The following TMEM108 variants were observed in gnomAD, a reference collection of about 807,000 sequenced individuals.
The protein encoded by TMEM108 is transmembrane protein 108.
A neutral mutation model predicts 35.1 loss-of-function variants in TMEM108; 12 were observed. The ratio of observed to expected loss-of-function variants is 0.34; its 90% CI spans 0.22 to 0.55. The LOEUF (loss-of-function observed/expected upper bound fraction) is 0.55. TMEM108 is among the 20% of genes least tolerant of loss of function. The pLI is 0.89. For synonymous variants in TMEM108, 287 were observed against 308.6 expected (o/e 0.93, Z 0.73); for missense variants, 680 against 753.3 (o/e 0.90, Z 1.14).
At chr3:133,208,450 A>T (rs533133139) in intron 2 of TMEM108, among the ~76,000 whole-genome samples, 1 of 152,196 alleles carries the variant, frequency 6.6e-6, no homozygotes, top group Non-Finnish European at 1.5e-5. Flanking sequence ...AAAGCTGTGT[A>T]AACATTGATG....
In TMEM108 at chr3:133,160,018, A is replaced by C. The variant is rs534604724; in HGVS notation, c.-46-69248A>C. Among the ~76,000 whole-genome samples the C allele has an allele frequency of 5.3e-5, 8 of 152,332 alleles. No homozygotes were observed. In the East Asian group the frequency reaches 1.5e-3, roughly 29 times the overall value. On this transcript the variant is annotated intron_variant, in intron 2 of 5. Coordinates refer to ENST00000321871, the MANE Select transcript of TMEM108 (RefSeq NM_023943.4). ...GGGAGAGGCCAGAATCAAACAGCAC[A>C]TGCTAGGTTCACAGTCACCTTCTTT...
chr3:133,242,835 C>A (rs1461578105), intron 3 of TMEM108, among the ~76,000 whole-genome samples: 1 of 152,200 alleles, frequency 6.6e-6, no homozygotes, highest in African/African-American at 2.4e-5. Flanking sequence ...TTCCACAGAA[C>A]AGAGCCCAGG....
chr3:133,124,610 C>T (rs1320548751), intron 2 of TMEM108, among the ~76,000 whole-genome samples: 1 of 152,200 alleles, frequency 6.6e-6, no homozygotes, highest in Non-Finnish European at 1.5e-5. Context: ...AGCCAGCCAG[C>T]CCCTGAGTGT....
Position 133,175,768 on chromosome 3 carries a change from C to T in TMEM108, c.-46-53498C>T, listed in dbSNP as rs181393306. Among the ~76,000 whole-genome samples the T allele has an allele frequency of 6.1e-3, 923 of 152,136 alleles. 8 individuals are homozygous for T. The highest frequency in any genetic ancestry group is 0.021 in the African/African-American group (876 of 41,502). ...GCTAGGAAGAAACTGCATCAACTAA[C>T]GAGCAAAATAACCAACTAACATCAT... On this transcript the variant is annotated intron_variant, in intron 2 of 5. Coordinates refer to ENST00000321871, the MANE Select transcript of TMEM108 (RefSeq NM_023943.4).
At chr3:133,258,047 T>G (rs1946572048) in intron 3 of TMEM108, among the ~76,000 whole-genome samples, 1 of 152,154 alleles carries the variant, frequency 6.6e-6, no homozygotes, top group Admixed American at 6.5e-5. Context: ...CAAATTCATA[T>G]GTTGAAACCT....
intron 3 of TMEM108, among the ~76,000 whole-genome samples, chr3:133,315,159 T>C (rs1026693934): frequency 7.2e-5 from 11 of 152,230 alleles, no homozygotes; most frequent in Non-Finnish European, 1.5e-4. Flanking sequence ...TAAGTATTGT[T>C]GTCCTTATCC....
chr3:133,270,642 T>C (rs544573065), intron 3 of TMEM108, among the ~76,000 whole-genome samples: 26 of 152,236 alleles, frequency 1.7e-4, no homozygotes, highest in Admixed American at 8.5e-4. Flanking sequence ...TGCCCAGAAG[T>C]AGGCAGGTAT....
intron 4 of TMEM108, among the ~76,000 whole-genome samples, chr3:133,383,045 T>C (rs1445210342): frequency 1.3e-5 from 2 of 152,118 alleles, no homozygotes; most frequent in African/African-American, 4.8e-5. Context: ...AAAACTGCAG[T>C]TGCCCACTTC....
intron 3 of TMEM108, among the ~76,000 whole-genome samples, chr3:133,301,160 A>G (rs531493037): frequency 1.3e-5 from 2 of 152,262 alleles, no homozygotes; most frequent in African/African-American, 4.8e-5. Flanking sequence ...TTTGATGCCA[A>G]GTACACATCC....
chr3:133,109,909 A>G (rs1055148407), intron 2 of TMEM108, among the ~76,000 whole-genome samples: 2 of 152,178 alleles, frequency 1.3e-5, no homozygotes, highest in African/African-American at 4.8e-5. Context: ...ATTAGTATAT[A>G]ATACGGTACT....
intron 2 of TMEM108, among the ~76,000 whole-genome samples, chr3:133,215,591 T>G (rs1386832064): frequency 1.3e-5 from 2 of 152,138 alleles, no homozygotes; most frequent in Non-Finnish European, 2.9e-5. Flanking sequence ...ATTAACCCCT[T>G]GCCTGTTATA....
intron 2 of TMEM108, among the ~76,000 whole-genome samples, chr3:133,138,649 G>A (rs2107753029): frequency 6.6e-6 from 1 of 152,208 alleles, no homozygotes; most frequent in East Asian, 1.9e-4. Context: ...GTATAACCGT[G>A]TATTCAGATA....
At chr3:133,170,446 G>A (rs1945113441) in intron 2 of TMEM108, among the ~76,000 whole-genome samples, 1 of 152,098 alleles carries the variant, frequency 6.6e-6, no homozygotes, top group Non-Finnish European at 1.5e-5. Context: ...TATGAGTGAA[G>A]GAAGAAAAAT....
intron 2 of TMEM108, among the ~76,000 whole-genome samples, chr3:133,221,624 T>C (rs1044293255): frequency 4.0e-5 from 6 of 151,580 alleles, no homozygotes; most frequent in Non-Finnish European, 8.8e-5. Flanking sequence ...TGATCAGGTG[T>C]CTTCCTCTAG....
chr3:133,381,045 G>A lies in TMEM108; in HGVS notation c.1334G>A (p.Gly445Glu). 1 of 1,614,236 alleles carries A rather than the reference G, an allele frequency of 6.2e-7. No individual in the cohort carries two copies. The highest frequency in any genetic ancestry group is 2.2e-5 in the East Asian group (1 of 44,880). Residue 445 changes from glycine (G) to glutamate (E), a missense_variant, in exon 4 of 6, where the codon GGG becomes GAG. Physicochemically the swap from Gly to Glu is moderately conservative, Grantham distance 98. This residue lies in a region of TMEM108 where 526 missense variants were observed against 532.1 expected (regional missense o/e 0.99). Coordinates refer to ENST00000321871, the MANE Select transcript of TMEM108 (RefSeq NM_023943.4). ...GGGACCTGGAAGCCTGGGACAGCAG[G>A]GAACATCTCCCATGTGGCCGAGGGG... ...PAGTWKPGTA[G>E]NISHVAEGDK...
chr3:133,071,882 T>G lies in TMEM108; in HGVS notation c.-47+25862T>G, dbSNP rs149085689. On this transcript the variant is annotated intron_variant, in intron 2 of 5. Transcript: ENST00000321871. ...CTACTTTTGCTTTTGTTGCCAGTGC[T>G]TCTGATATCATATCCAAGAAATCAC... 4.3e-3 allele frequency among the ~76,000 whole-genome samples: 652 copies of G among 152,320 alleles called. 3 individuals are homozygous for G. Among genetic ancestry groups the G allele is most frequent in the African/African-American group, 0.014 (599 of 41,572 alleles).
intron 4 of TMEM108, chr3:133,388,590 T>A: frequency 1.0e-6 from 1 of 985,408 alleles, no homozygotes; most frequent in Non-Finnish European, 1.2e-6. Context: ...CTTCTATGTT[T>A]TAAAGATTTT....
At chr3:133,205,806 G>A (rs1330775920) in intron 2 of TMEM108, among the ~76,000 whole-genome samples, 1 of 152,130 alleles carries the variant, frequency 6.6e-6, no homozygotes, top group Non-Finnish European at 1.5e-5. Context: ...GAGTATCTTT[G>A]TGGTGCTCTC....
chr3:133,270,817 ACACT>A (rs1344089585), intron 3 of TMEM108, among the ~76,000 whole-genome samples: 3 of 144,154 alleles, frequency 2.1e-5, no homozygotes, highest in African/African-American at 5.1e-5. Context: ...ACACACACAC[ACACT>A]CACACACTCA....
Sources: gnomAD v4.1 joint callset for allele counts (sites outside exome capture counted in the v4.1 genomes callset) on GRCh38, gnomAD v4.1.1 for gene constraint, gnomAD v4.1.1 regional missense constraint, MANE v1.5 for transcripts, NCBI Gene and HGNC (gene_info 2026-07-23, HGNC 2026-07-21) for gene names.